LRP2: variants seen among roughly 807,000 people sequenced by gnomAD.
The protein encoded by LRP2 is LDL receptor related protein 2, also known as low-density lipoprotein receptor-related protein 2.
LRP2 carries 172 observed loss-of-function variants against 531.0 expected under a neutral mutation model. The ratio of observed to expected loss-of-function variants is 0.32; its 90% CI spans 0.29 to 0.37. The LOEUF (loss-of-function observed/expected upper bound fraction) is 0.37. Ranked by LOEUF, LRP2 falls within the 10% of genes least tolerant of loss-of-function variation. The pLI is 1.00. For synonymous variants in LRP2, 1,992 were observed against 2,027.6 expected, an observed-to-expected ratio of 0.98 and a Z score of 0.47; for missense variants, 5,167 against 5,868.3, an observed-to-expected ratio of 0.88 and a Z score of 3.90.
intron 73 of LRP2, 56 bp from the exon 74 acceptor site, chr2:169,139,427 A>G (rs1013139947): frequency 1.9e-6 from 3 of 1,614,020 alleles, no homozygotes; most frequent in Non-Finnish European, 2.5e-6. Flanking sequence ...CAATCCTGGC[A>G]GAAACTGGGG....
chr2:169,134,547 C>T (rs1685421283), intron 76 of LRP2, among the ~76,000 whole-genome samples: 1 of 152,166 alleles, frequency 6.6e-6, no homozygotes, highest in African/African-American at 2.4e-5. Flanking sequence ...TTCCACCAGG[C>T]CTAATCGCCA....
chr2:169,340,504 A>T (rs1685534560), intron 1 of LRP2, among the ~76,000 whole-genome samples: 1 of 152,206 alleles, frequency 6.6e-6, no homozygotes. Context: ...ATCAAATGCA[A>T]GCAGTAGTGT....
At chr2:169,171,310 A>G (rs1160685643) in intron 58 of LRP2, among the ~76,000 whole-genome samples, 1 of 152,108 alleles carries the variant, frequency 6.6e-6, no homozygotes, top group Non-Finnish European at 1.5e-5. Context: ...TTAGAAATTG[A>G]CGCATATCAT....
At chr2:169,210,816 AG>A (rs1688565975) in intron 37 of LRP2, among the ~76,000 whole-genome samples, 1 of 152,230 alleles carries the variant, frequency 6.6e-6, no homozygotes, top group Non-Finnish European at 1.5e-5. Flanking sequence ...TAACATATGT[AG>A]GGGTAAAGTG....
intron 6 of LRP2, among the ~76,000 whole-genome samples, chr2:169,293,298 G>A (rs924952606): frequency 6.6e-6 from 1 of 152,170 alleles, no homozygotes; most frequent in Non-Finnish European, 1.5e-5. Flanking sequence ...AATAAGAGAG[G>A]TCATTTGCAT....
At chr2:169,318,615 A>T in intron 3 of LRP2, 147 bp downstream of exon 3, 1 of 1,090,368 alleles carries the variant, frequency 9.2e-7, no homozygotes, top group Non-Finnish European at 1.4e-6. Flanking sequence ...CCAACCCCTG[A>T]ATGAGATTGC....
chr2:169,183,870 T>C (rs1310560218), intron 50 of LRP2, among the ~76,000 whole-genome samples: 1 of 152,196 alleles, frequency 6.6e-6, no homozygotes, highest in Non-Finnish European at 1.5e-5. Context: ...GTTTCTAATT[T>C]CAGTGTAGCT....
chr2:169,299,091 GAAAGAAAGAAAGAAAGAAA>G (rs2105478923), intron 4 of LRP2, among the ~76,000 whole-genome samples: 1 of 2,456 alleles, frequency 4.1e-4, no homozygotes, highest in African/African-American at 1.1e-3. Flanking sequence ...AAGAAGGAAA[GAAAGAAAGAAAGAAAGAAA>G]GAAAGAAAGA....
chr2:169,353,903 A>C (rs1685922516), intron 1 of LRP2, among the ~76,000 whole-genome samples: 1 of 152,224 alleles, frequency 6.6e-6, no homozygotes, highest in Non-Finnish European at 1.5e-5. Flanking sequence ...AGCGGAGAGG[A>C]TCTCTTCAGC....
chr2:169,202,919 G>A lies in LRP2; in HGVS notation c.8046C>T (p.Asn2682=). ...GCTTCCTGTTGTTGGCCAAATACCA[G>A]TTGCCCTCATGTGGACACTGGCACT... ...GAECQCPHEG[N]WYLANNRKHC... is the part of the protein sequence containing the mutation. The change falls in exon 43 of 79, where the codon AAC becomes AAT. Residue 2682 remains asparagine, a synonymous_variant. Coordinates refer to ENST00000649046, the MANE Select transcript of LRP2 (RefSeq NM_004525.3). The A allele has an allele frequency of 6.2e-7, 1 of 1,614,200 alleles. No homozygotes were observed. Among genetic ancestry groups the A allele is most frequent in the Non-Finnish European group, 8.5e-7 (1 of 1,180,036 alleles).
chr2:169,338,098 C>A (rs1685454603), intron 1 of LRP2, among the ~76,000 whole-genome samples: 1 of 150,488 alleles, frequency 6.6e-6, no homozygotes, highest in Admixed American at 6.7e-5. Context: ...ACTGACAGAG[C>A]AAACCCAGAG....
chr2:169,304,706 A>G (rs2105488072), intron 4 of LRP2, among the ~76,000 whole-genome samples: 1 of 152,268 alleles, frequency 6.6e-6, no homozygotes, highest in African/African-American at 2.4e-5. Flanking sequence ...TCCAGAGTGA[A>G]GGTAAATCCA....
chr2:169,266,742 G>T (rs1342308525), intron 16 of LRP2, among the ~76,000 whole-genome samples: 1 of 152,010 alleles, frequency 6.6e-6, no homozygotes, highest in African/African-American at 2.4e-5. Context: ...TCCCTGAAGA[G>T]ATGTCTTCCC....
At chr2:169,279,765 T>C (rs1683651565) in intron 11 of LRP2, among the ~76,000 whole-genome samples, 170 bp from the exon 12 acceptor site, 2 of 152,198 alleles carry the variant, frequency 1.3e-5, no homozygotes, top group African/African-American at 2.4e-5. Context: ...ATTAATGGTA[T>C]AATAAAATGT....
intron 4 of LRP2, among the ~76,000 whole-genome samples, chr2:169,306,610 G>A (rs1684427238): frequency 6.6e-6 from 1 of 152,094 alleles, no homozygotes; most frequent in South Asian, 2.1e-4. Context: ...ATGGACTATA[G>A]GACTGACACA....
intron 4 of LRP2, among the ~76,000 whole-genome samples, chr2:169,296,289 A>G (rs1684133118): frequency 6.6e-6 from 1 of 152,148 alleles, no homozygotes; most frequent in Non-Finnish European, 1.5e-5. Flanking sequence ...GCATTTTTAA[A>G]TAGCTGGTTA....
intron 2 of LRP2, among the ~76,000 whole-genome samples, chr2:169,320,211 A>C (rs1319346489): frequency 1.3e-5 from 2 of 152,244 alleles, no homozygotes; most frequent in Non-Finnish European, 1.5e-5. Flanking sequence ...AATGAATGTG[A>C]AAGTCATTTT....
chr2:169,187,335 G>A (rs545071799), intron 49 of LRP2, among the ~76,000 whole-genome samples: 1 of 152,250 alleles, frequency 6.6e-6, no homozygotes, highest in South Asian at 2.1e-4. Flanking sequence ...AATGAGTACT[G>A]ACAATGAACA....
intron 1 of LRP2, among the ~76,000 whole-genome samples, chr2:169,334,002 C>T (rs1429028968): frequency 1.3e-5 from 2 of 152,158 alleles, no homozygotes; most frequent in Non-Finnish European, 2.9e-5. Flanking sequence ...CTGATACCCA[C>T]GTGTGATAAA....
Sources: gnomAD v4.1 joint callset for allele counts (sites outside exome capture counted in the v4.1 genomes callset) on GRCh38, gnomAD v4.1.1 for gene constraint, MANE v1.5 for transcripts, NCBI Gene and HGNC (gene_info 2026-07-23, HGNC 2026-07-21) for gene names.